The following SPSB4 variants were observed in gnomAD, a reference collection of about 807,000 sequenced individuals.
SPSB4 encodes the protein splA/ryanodine receptor domain and SOCS box containing 4, also known as SPRY domain-containing SOCS box protein 4.
SPSB4 carries 21 observed loss-of-function variants against 20.9 expected under a neutral mutation model. That is an observed-to-expected ratio of 1.01 (90% CI 0.71 to 1.45). The LOEUF (loss-of-function observed/expected upper bound fraction) is 1.45. Ranked by LOEUF, SPSB4 falls within the 40% of genes most tolerant of loss-of-function variation. SPSB4 has a pLI of 0.00. For synonymous variants in SPSB4, 207 were observed against 183.8 expected (o/e 1.13, Z -1.02); for missense variants, 399 against 399.2 (o/e 1.00, Z 0.00).
At chr3:141,092,401 C>T (rs1938470461) in intron 2 of SPSB4, among the ~76,000 whole-genome samples, 1 of 152,184 alleles carries the variant, frequency 6.6e-6, no homozygotes, top group African/African-American at 2.4e-5. Flanking sequence ...CTTCACTAAC[C>T]ATATCTACCA....
chr3:141,081,807 G>A (rs1425016952), intron 2 of SPSB4, among the ~76,000 whole-genome samples: 1 of 152,194 alleles, frequency 6.6e-6, no homozygotes, highest in African/African-American at 2.4e-5. Flanking sequence ...ATGAAATAAA[G>A]CAAAACCTGT....
At position 141,094,718 on chromosome 3, in the gene SPSB4, G is replaced by A. The variant is rs549439866; in HGVS notation, c.694+27920G>A. Among the ~76,000 whole-genome samples the A allele has an allele frequency of 2.0e-5, 3 of 152,232 alleles. No individual in the cohort carries two copies. The East Asian group carries it at 5.8e-4, about 29-fold the overall frequency. ...GGAAGCTGATTGCCTGCTAGACTGA[G>A]ATGCTGGCTTATTTCTTGGCCTGAA... On this transcript the variant is annotated intron_variant, in intron 2 of 2. Coordinates refer to ENST00000310546, the MANE Select transcript of SPSB4 (RefSeq NM_080862.3).
At chr3:141,146,772 TAAA>T (rs1166026396) in intron 2 of SPSB4, among the ~76,000 whole-genome samples, 12 of 128,174 alleles carry the variant, frequency 9.4e-5, no homozygotes, top group Non-Finnish European at 8.4e-5. Flanking sequence ...AGACTCCATC[TAAA>T]AAAAAAAAAA....
intron 2 of SPSB4, among the ~76,000 whole-genome samples, chr3:141,114,897 A>T (rs534911879): frequency 8.6e-4 from 131 of 152,306 alleles, no homozygotes; most frequent in African/African-American, 3.0e-3. Flanking sequence ...TACATTAAAT[A>T]TGTGAATGTT....
At chr3:141,065,874 G>C (rs1248744113) in intron 1 of SPSB4, 78 bp from the exon 2 acceptor site, 2 of 504,450 alleles carry the variant, frequency 4.0e-6, no homozygotes, top group Non-Finnish European at 6.9e-6. Context: ...GCTCAGCCAA[G>C]GCATGGACAT....
At chr3:141,101,220 G>A (rs1345730762) in intron 2 of SPSB4, among the ~76,000 whole-genome samples, 1 of 152,214 alleles carries the variant, frequency 6.6e-6, no homozygotes, top group African/African-American at 2.4e-5. Flanking sequence ...CACTGCCACA[G>A]CTCTCACCAG....
At chr3:141,089,310 G>A (rs942839486) in intron 2 of SPSB4, among the ~76,000 whole-genome samples, 4 of 152,186 alleles carry the variant, frequency 2.6e-5, no homozygotes, top group Non-Finnish European at 4.4e-5. Flanking sequence ...TGGCCAAAAC[G>A]GTTCCAGCCC....
At chr3:141,059,350 T>C (rs533062355) in intron 1 of SPSB4, among the ~76,000 whole-genome samples, 1 of 152,180 alleles carries the variant, frequency 6.6e-6, no homozygotes, top group South Asian at 2.1e-4. Context: ...TGAAAAGAAG[T>C]TTAGTTGGCT....
chr3:141,059,336 A>T (rs1473932056), intron 1 of SPSB4, among the ~76,000 whole-genome samples: 1 of 152,226 alleles, frequency 6.6e-6, no homozygotes, highest in Non-Finnish European at 1.5e-5. Flanking sequence ...TGAGTAATTT[A>T]TAATGAAAAG....
chr3:141,107,130 G>A (rs563398009), intron 2 of SPSB4, among the ~76,000 whole-genome samples: 258 of 152,326 alleles, frequency 1.7e-3, no homozygotes, highest in African/African-American at 5.8e-3. Flanking sequence ...GAGGCTCCAC[G>A]CCTGGGGTTG....
chr3:141,063,792 G>A (rs1384921371), intron 1 of SPSB4, among the ~76,000 whole-genome samples: 1 of 152,232 alleles, frequency 6.6e-6, no homozygotes, highest in Non-Finnish European at 1.5e-5. Flanking sequence ...CATTTTGCAG[G>A]AGACACATGT....
At chr3:141,101,431 G>A (rs907678472) in intron 2 of SPSB4, among the ~76,000 whole-genome samples, 7 of 152,134 alleles carry the variant, frequency 4.6e-5, no homozygotes, top group African/African-American at 9.7e-5. Context: ...CCACCTCCTC[G>A]CTCTGCAGCT....
intron 2 of SPSB4, among the ~76,000 whole-genome samples, chr3:141,071,008 C>G (rs1186956020): frequency 6.6e-6 from 1 of 152,242 alleles, no homozygotes; most frequent in Non-Finnish European, 1.5e-5. Context: ...CATTTTTCCT[C>G]CTCTGGCTGG....
At chr3:141,145,916 T>C (rs2107809917) in intron 2 of SPSB4, among the ~76,000 whole-genome samples, 1 of 152,266 alleles carries the variant, frequency 6.6e-6, no homozygotes, top group South Asian at 2.1e-4. Context: ...TCCTATTCAC[T>C]CTTCAAAACC....
intron 2 of SPSB4, among the ~76,000 whole-genome samples, chr3:141,073,311 C>T (rs777150708): frequency 1.2e-4 from 19 of 152,270 alleles, no homozygotes; most frequent in Non-Finnish European, 2.5e-4. Context: ...GCTCATCTTG[C>T]GCACCTGATG....
At chr3:141,132,174 G>GTTTTT in intron 2 of SPSB4, 2 of 368,368 alleles carry the variant, frequency 5.4e-6, no homozygotes, top group South Asian at 2.0e-5. Context: ...TTATATCTTT[G>GTTTTT]TTTTTTTTTT....
At position 141,063,137 on chromosome 3, in the gene SPSB4, C is replaced by T. The variant is rs912456982; in HGVS notation, c.-153-2815C>T. Among the ~76,000 whole-genome samples, 5 of 152,164 alleles carry T rather than the reference C, an allele frequency of 3.3e-5. No homozygotes were observed. The East Asian group carries it at 9.6e-4, about 29-fold the overall frequency. Reference sequence around the variant, plus strand: ...TCTTGTCTCACTTAAAACCTTTTGTCCTGAAATCAACTTTACTTGCCTAAT... The same window carrying T: ...TCTTGTCTCACTTAAAACCTTTTGTTCTGAAATCAACTTTACTTGCCTAAT... On this transcript the variant is annotated intron_variant, in intron 1 of 2. Coordinates refer to ENST00000310546, the MANE Select transcript of SPSB4 (RefSeq NM_080862.3).
At chr3:141,062,681 A>C (rs1937787920) in intron 1 of SPSB4, among the ~76,000 whole-genome samples, 1 of 152,144 alleles carries the variant, frequency 6.6e-6, no homozygotes, top group African/African-American at 2.4e-5. Flanking sequence ...TAAAATGCCT[A>C]AGTGATAGGA....
At chr3:141,086,248 C>G (rs183594620) in intron 2 of SPSB4, among the ~76,000 whole-genome samples, 1 of 152,260 alleles carries the variant, frequency 6.6e-6, no homozygotes, top group African/African-American at 2.4e-5. Flanking sequence ...TACTACCTTC[C>G]TTGAAGGGTT....
Sources: gnomAD v4.1 joint callset for allele counts (sites outside exome capture counted in the v4.1 genomes callset) on GRCh38, gnomAD v4.1.1 for gene constraint, MANE v1.5 for transcripts, NCBI Gene and HGNC (gene_info 2026-07-23, HGNC 2026-07-21) for gene names.